The following SETBP1 variants were observed in gnomAD, a reference collection of about 807,000 sequenced individuals.
SETBP1 encodes the protein SET-binding protein.
In SETBP1, 9 loss-of-function variants were observed where a neutral mutation model predicts 101.0. The observed-to-expected ratio is 0.09, with a 90% CI of 0.05 to 0.16. SETBP1 has a LOEUF of 0.16. SETBP1 is among the 10% of genes least tolerant of loss of function. The pLI is 1.00. For missense variants in SETBP1, 1,858 were observed against 2,033.8 expected, an observed-to-expected ratio of 0.91 and a Z score of 1.66; for synonymous variants, 818 against 788.5, an observed-to-expected ratio of 1.04 and a Z score of -0.63.
intron 4 of SETBP1, among the ~76,000 whole-genome samples, chr18:45,009,126 G>A (rs866948146): frequency 2.0e-5 from 3 of 152,092 alleles, no homozygotes; most frequent in Admixed American, 6.5e-5. Context: ...CCTCCCAGCC[G>A]CCAACTGTAC....
At chr18:45,027,638 C>G (rs932903810) in intron 4 of SETBP1, among the ~76,000 whole-genome samples, 2 of 152,158 alleles carry the variant, frequency 1.3e-5, no homozygotes, top group African/African-American at 2.4e-5. Context: ...GAGCCAATCA[C>G]TAAGTGTAGT....
chr18:44,859,722 C>G (rs900042832), intron 2 of SETBP1, among the ~76,000 whole-genome samples: 1 of 152,166 alleles, frequency 6.6e-6, no homozygotes, highest in African/African-American at 2.4e-5. Flanking sequence ...CCTGAAAAAT[C>G]ATAGTGACTT....
chr18:44,834,396 T>C (rs887469637), intron 2 of SETBP1, among the ~76,000 whole-genome samples: 2 of 152,182 alleles, frequency 1.3e-5, no homozygotes, highest in Admixed American at 1.3e-4. Flanking sequence ...TAAGTACGTA[T>C]GAACTAGACT....
intron 5 of SETBP1, among the ~76,000 whole-genome samples, chr18:45,048,071 C>T (rs2145538451): frequency 6.6e-6 from 1 of 152,286 alleles, no homozygotes; most frequent in South Asian, 2.1e-4. Flanking sequence ...ACAAATATTG[C>T]CTGACTGGGA....
In SETBP1 at chr18:45,011,709, G is replaced by A. The variant is rs373334143; in HGVS notation, c.4001-26776G>A. On this transcript the variant is annotated intron_variant, in intron 4 of 5. Coordinates refer to ENST00000649279, the MANE Select transcript of SETBP1 (RefSeq NM_015559.3). ...GTCTTCTAAAACCTACTCCCCAGGC[G>A]TGGCTGCCCCTGCATGTGCATTGGC... Among the ~76,000 whole-genome samples, 12 of 152,270 alleles carry A rather than the reference G, an allele frequency of 7.9e-5. No individual in the cohort carries two copies. The South Asian group carries it at 2.3e-3, about 29-fold the overall frequency.
At chr18:44,916,175 G>A (rs550068650) in intron 3 of SETBP1, among the ~76,000 whole-genome samples, 10 of 152,256 alleles carry the variant, frequency 6.6e-5, no homozygotes, top group South Asian at 4.1e-4. Flanking sequence ...GCAGTGAGCC[G>A]AGATCATGCC....
intron 2 of SETBP1, among the ~76,000 whole-genome samples, chr18:44,796,125 C>T (rs571223070): frequency 6.6e-6 from 1 of 152,202 alleles, no homozygotes; most frequent in Non-Finnish European, 1.5e-5. Flanking sequence ...CGAATTAAGA[C>T]TCAAGTAGAT....
At chr18:44,794,256 G>A (rs2071426349) in intron 2 of SETBP1, among the ~76,000 whole-genome samples, 1 of 144,278 alleles carries the variant, frequency 6.9e-6, no homozygotes, top group African/African-American at 2.7e-5. Context: ...TGTCTGTGAT[G>A]GATACAGCTG....
chr18:44,694,277 T>C (rs957648006), intron 1 of SETBP1, among the ~76,000 whole-genome samples: 3 of 152,188 alleles, frequency 2.0e-5, no homozygotes, highest in African/African-American at 7.2e-5. Context: ...AGTGGTGCGA[T>C]CTCGGCTCTC....
At chr18:44,815,711 A>G (rs1278321336) in intron 2 of SETBP1, among the ~76,000 whole-genome samples, 1 of 152,240 alleles carries the variant, frequency 6.6e-6, no homozygotes. Context: ...TCGTCAACCA[A>G]CACAATTGGG....
At chr18:45,040,973 C>G (rs2073496530) in intron 5 of SETBP1, among the ~76,000 whole-genome samples, 1 of 152,186 alleles carries the variant, frequency 6.6e-6, no homozygotes. Flanking sequence ...GATTTCACTC[C>G]CCACAGATAA....
intron 4 of SETBP1, among the ~76,000 whole-genome samples, chr18:44,994,546 T>C (rs1323988632): frequency 2.6e-5 from 4 of 152,342 alleles, no homozygotes; most frequent in Non-Finnish European, 5.9e-5. Context: ...ATGTCTGTTC[T>C]CACAAAACTC....
chr18:44,722,741 G>A (rs777498995), intron 2 of SETBP1, among the ~76,000 whole-genome samples: 2 of 152,194 alleles, frequency 1.3e-5, no homozygotes, highest in African/African-American at 4.8e-5. Flanking sequence ...ATTCCCATCT[G>A]AGTGCTTGTA....
intron 2 of SETBP1, among the ~76,000 whole-genome samples, chr18:44,754,818 TGAA>T (rs2070458327): frequency 1.3e-5 from 2 of 152,350 alleles, no homozygotes; most frequent in South Asian, 4.1e-4. Flanking sequence ...GGCTTGATGA[TGAA>T]TTCTGTTTAC....
intron 2 of SETBP1, among the ~76,000 whole-genome samples, chr18:44,864,086 G>A (rs919274695): frequency 2.0e-5 from 3 of 152,120 alleles, no homozygotes; most frequent in South Asian, 2.1e-4. Flanking sequence ...GGGACATGAC[G>A]TTTGTTCCTG....
chr18:44,796,536 T>C lies in SETBP1; in HGVS notation c.487-72694T>C, dbSNP rs541445601. Among the ~76,000 whole-genome samples the C allele has an allele frequency of 3.9e-5, 6 of 152,342 alleles. No individual in the cohort carries two copies. In the East Asian group the frequency reaches 1.2e-3, roughly 29 times the overall value. The stretch of plus-strand genomic sequence containing the variant: ...CACAATCTGTATTTGTTAAAAGCTC[T>C]TTATGTGATTCCAACTGCAGCATGA... On this transcript the variant is annotated intron_variant, in intron 2 of 5. Coordinates refer to ENST00000649279, the MANE Select transcript of SETBP1 (RefSeq NM_015559.3).
intron 2 of SETBP1, among the ~76,000 whole-genome samples, chr18:44,842,104 A>G (rs7233089): frequency 0.68 from 103,062 of 152,140 alleles, 35,235 homozygotes; most frequent in Middle Eastern, 0.73. Context: ...AAGAGAAAAG[A>G]AAAGAAGAGA....
intron 2 of SETBP1, among the ~76,000 whole-genome samples, chr18:44,729,270 G>A (rs1422735905): frequency 6.6e-6 from 1 of 152,210 alleles, no homozygotes; most frequent in Non-Finnish European, 1.5e-5. Context: ...GTTCTGGAAA[G>A]GTCACATGGA....
intron 2 of SETBP1, among the ~76,000 whole-genome samples, chr18:44,744,830 C>A (rs1272799584): frequency 1.3e-5 from 2 of 151,392 alleles, no homozygotes; most frequent in Middle Eastern, 6.8e-3. Flanking sequence ...GGCAGGCCGG[C>A]GGTTTGATCT....
Sources: allele counts gnomAD v4.1 joint callset (sites outside exome capture counted in the v4.1 genomes callset), GRCh38; gene constraint gnomAD v4.1.1; transcripts MANE v1.5; gene names NCBI Gene and HGNC (gene_info 2026-07-23, HGNC 2026-07-21).